The following KIRREL3 variants were observed in gnomAD, a reference collection of about 807,000 sequenced individuals.
KIRREL3 encodes kin of IRRE-like protein 3.
In KIRREL3, 36 loss-of-function variants were observed where a neutral mutation model predicts 89.7. The ratio of observed to expected loss-of-function variants is 0.40; its 90% CI spans 0.31 to 0.53. The LOEUF is 0.53. KIRREL3 is among the 20% of genes least tolerant of loss of function. KIRREL3 has a pLI of 0.49. For missense variants in KIRREL3, 864 were observed against 1,056.6 expected (o/e 0.82, Z 2.53); for synonymous variants, 445 against 441.4 (o/e 1.01, Z -0.10).
At chr11:126,869,174 C>G (rs1423507762) in intron 1 of KIRREL3, among the ~76,000 whole-genome samples, 5 of 69,424 alleles carry the variant, frequency 7.2e-5, no homozygotes, top group Admixed American at 4.6e-4. Context: ...TTTTTTTTTT[C>G]TCCTAGCAGG....
chr11:126,853,077 C>T (rs903786725), intron 1 of KIRREL3, among the ~76,000 whole-genome samples: 15 of 151,294 alleles, frequency 9.9e-5, no homozygotes, highest in African/African-American at 3.2e-4. Context: ...TGTGTTGTTG[C>T]TTTTTTTTTA....
intron 1 of KIRREL3, among the ~76,000 whole-genome samples, chr11:126,974,048 T>G (rs2135224111): frequency 6.6e-6 from 1 of 152,302 alleles, no homozygotes; most frequent in Middle Eastern, 3.4e-3. Context: ...CTAGCTCTGC[T>G]TTCTGTGCAT....
rs758703122 is a variant in KIRREL3, at chr11:126,576,803, T to C, written c.56-13891A>G. On this transcript the variant is annotated intron_variant, in intron 1 of 16. Transcript: ENST00000525144. This position sits in a 1 kb window ranked among gnomAD's most constrained non-coding sequence, Gnocchi z 5.4. ...AATCAGCTGAGGAGCAAGGGATTCCTGAGCCACAAATGAGGCTCTCCCTAC... is the reference window on the plus strand; with the variant it reads ...AATCAGCTGAGGAGCAAGGGATTCCCGAGCCACAAATGAGGCTCTCCCTAC... 2.0e-5 allele frequency among the ~76,000 whole-genome samples: 3 copies of C among 152,258 alleles called. No individual in the cohort carries two copies. Among genetic ancestry groups the C allele is most frequent in the Admixed American group, 6.5e-5 (1 of 15,290 alleles).
rs1489192914 is a variant in KIRREL3 at position 126,440,461 on chromosome 11, C to T, written c.1341G>A (p.Pro447=). ...CTGGAGCACTCACGATGCGGTCCGG[C>T]GGCGGCGTGCTCCGGATGAAGCACT... The part of the protein sequence containing the change: ...QIKCFIRSTP[P]PDRIAWSWKE... The change falls in exon 11 of 17, where the codon CCG becomes CCA. Residue 447 remains proline (P), a synonymous_variant. Transcript: ENST00000525144. 5 of 1,579,552 alleles carry T rather than the reference C, an allele frequency of 3.2e-6. No homozygotes were observed. Among genetic ancestry groups the T allele is most frequent in the Non-Finnish European group, 4.3e-6 (5 of 1,163,668 alleles).
At chr11:126,745,108 A>G (rs1489059146) in intron 1 of KIRREL3, among the ~76,000 whole-genome samples, 1 of 152,122 alleles carries the variant, frequency 6.6e-6, no homozygotes, top group East Asian at 1.9e-4. Flanking sequence ...TTTCCTTGAG[A>G]GGATCTCATG....
In KIRREL3 at chr11:126,773,578, C is replaced by T. The variant is rs1314425449; in HGVS notation, c.56-210666G>A. On this transcript the variant is annotated intron_variant, in intron 1 of 16. Transcript: ENST00000525144. The surrounding 1 kb of genome is among the most constrained non-coding windows in gnomAD (Gnocchi z 4.2). Reference sequence around the variant, plus strand: ...AATTCAAAGCCAAAGAGTGCTAGAGCTGGGTCTAGATCCTAGATCACAGAG... The same window carrying T: ...AATTCAAAGCCAAAGAGTGCTAGAGTTGGGTCTAGATCCTAGATCACAGAG... 1.3e-5 allele frequency among the ~76,000 whole-genome samples: 2 copies of T among 152,232 alleles called. No homozygotes were observed. The highest frequency in any genetic ancestry group is 2.9e-5 in the Non-Finnish European group (2 of 68,050).
chr11:126,577,165 G>A (rs150169232), intron 1 of KIRREL3, among the ~76,000 whole-genome samples: 1,733 of 152,188 alleles, frequency 0.011, 37 homozygotes, highest in African/African-American at 0.039. Context: ...CTATCGACCC[G>A]GTGTGTGGCA....
chr11:126,790,319 C>T (rs528218736), intron 1 of KIRREL3, among the ~76,000 whole-genome samples: 39 of 152,318 alleles, frequency 2.6e-4, no homozygotes, highest in African/African-American at 8.7e-4. Context: ...GGTTGAAGAA[C>T]AGGAAAGGCC....
rs754677545 is a variant in KIRREL3, at chr11:126,425,700, C to T, written c.1831G>A (p.Asp611Asn). The T allele has an allele frequency of 1.3e-6, 2 of 1,598,192 alleles. No homozygotes were observed. The highest frequency in any genetic ancestry group is 2.7e-5 in the African/African-American group (2 of 74,620). ...LMMDRGEFQQ[D>N]SVLKQLEVLK... ...ACCTCCAGCTGTTTCAGGACTGAGT[C>T]TTGCTGGAATTCACCCCGGTCCATC... The change falls in exon 16 of 17, where the codon GAC (aspartate) becomes AAC (asparagine). Residue 611 changes from aspartate (D) to asparagine (N), a missense_variant. By Grantham distance (23) the Asp-to-Asn change is conservative. Transcript: ENST00000525144.
rs1627921 is a variant in KIRREL3 at position 126,918,138 on chromosome 11, G to A, written c.55+82317C>T. Among the ~76,000 whole-genome samples, 2,799 of 152,228 alleles carry A rather than the reference G, an allele frequency of 0.018. 65 individuals carry two copies. Among genetic ancestry groups the A allele is most frequent in the South Asian group, 0.04 (194 of 4,820 alleles). Reference sequence around the variant, plus strand: ...GAGACTCACGGTATGGCAGTTGAAGGACACACGACTTGAGGGAGATGGATG... The same window carrying A: ...GAGACTCACGGTATGGCAGTTGAAGAACACACGACTTGAGGGAGATGGATG... On this transcript the variant is annotated intron_variant, in intron 1 of 16. Coordinates refer to ENST00000525144, the MANE Select transcript of KIRREL3 (RefSeq NM_032531.4). This position sits in a 1 kb window ranked among gnomAD's most constrained non-coding sequence, Gnocchi z 6.5.
intron 1 of KIRREL3, among the ~76,000 whole-genome samples, chr11:126,921,963 A>ATATC (rs146200311): frequency 0.084 from 11,735 of 139,880 alleles, 557 homozygotes; most frequent in Admixed American, 0.12. Flanking sequence ...CTGTATATCT[A>ATATC]TATCTATCTA....
intron 1 of KIRREL3, among the ~76,000 whole-genome samples, chr11:126,845,338 G>GCT (rs1419029072): frequency 2.0e-5 from 3 of 152,136 alleles, no homozygotes; most frequent in Non-Finnish European, 4.4e-5. Flanking sequence ...AGACTTCTGG[G>GCT]CTCTCTCTCT....
chr11:126,925,540 G>A (rs1304631452), intron 1 of KIRREL3, among the ~76,000 whole-genome samples: 1 of 152,212 alleles, frequency 6.6e-6, no homozygotes, highest in Admixed American at 6.5e-5. Context: ...CAGGAGAGCA[G>A]ATGTCAGGGA....
chr11:126,681,626 A>ACACACACACACACACC (rs751501249), intron 1 of KIRREL3, among the ~76,000 whole-genome samples: 18 of 152,024 alleles, frequency 1.2e-4, no homozygotes, highest in African/African-American at 3.9e-4. Context: ...ACACACACAC[A>ACACACACACACACACC]CCAGATCAAG....
chr11:126,442,761 T>C (rs1740351602), intron 10 of KIRREL3, among the ~76,000 whole-genome samples: 1 of 152,230 alleles, frequency 6.6e-6, no homozygotes, highest in South Asian at 2.1e-4. Flanking sequence ...TCTGGTGCGC[T>C]CCCCTCCGGG....
chr11:126,863,822 G>T (rs1944831328), intron 1 of KIRREL3, among the ~76,000 whole-genome samples: 1 of 152,174 alleles, frequency 6.6e-6, no homozygotes, highest in African/African-American at 2.4e-5. Context: ...ACCCCAAGTA[G>T]GTGGTATTCC....
At position 126,729,613 on chromosome 11, in the gene KIRREL3, G is replaced by T. The variant is rs1192104938; in HGVS notation, c.56-166701C>A. On this transcript the variant is annotated intron_variant, in intron 1 of 16. Transcript: ENST00000525144. This position sits in a 1 kb window ranked among gnomAD's most constrained non-coding sequence, Gnocchi z 4.5. ...AGGAGCAGCTCCCTGGCATTTTGCT[G>T]CTGGAGCACGGAAGCAGTGCTGGCC... 1.3e-5 allele frequency among the ~76,000 whole-genome samples: 2 copies of T among 152,182 alleles called. No homozygotes were observed. The highest frequency in any genetic ancestry group is 4.8e-5 in the African/African-American group (2 of 41,448).
At chr11:126,856,615 A>G (rs1276360903) in intron 1 of KIRREL3, among the ~76,000 whole-genome samples, 1 of 44,028 alleles carries the variant, frequency 2.3e-5, no homozygotes, top group Non-Finnish European at 4.3e-5. Context: ...ACACACAGAC[A>G]TATATTTTTT....
chr11:126,765,411 C>A (rs964919891), intron 1 of KIRREL3, among the ~76,000 whole-genome samples: 3 of 152,120 alleles, frequency 2.0e-5, no homozygotes, highest in Non-Finnish European at 2.9e-5. Context: ...AACCAGCAAC[C>A]CACTGCCATG....
Sources: allele counts gnomAD v4.1 joint callset (sites outside exome capture counted in the v4.1 genomes callset), GRCh38; gene constraint gnomAD v4.1.1; non-coding constraint Gnocchi (gnomAD v3.1); transcripts MANE v1.5; gene names NCBI Gene and HGNC (gene_info 2026-07-23, HGNC 2026-07-21).